The following ADGRB3 variants were observed in gnomAD, a reference collection of about 807,000 sequenced individuals.
ADGRB3 encodes adhesion G protein-coupled receptor B3, also known as brain-specific angiogenesis inhibitor 3.
Under a neutral mutation model 193.4 loss-of-function variants are expected in ADGRB3, and 37 were observed. The observed-to-expected ratio is 0.19, with a 90% CI of 0.15 to 0.25. ADGRB3 has a LOEUF of 0.25. ADGRB3 is among the 10% of genes least tolerant of loss of function. The pLI is 1.00. For synonymous variants in ADGRB3, 690 were observed against 644.2 expected (o/e 1.07, Z -1.08); for missense variants, 1,637 against 1,852.9 (o/e 0.88, Z 2.14).
chr6:68,864,487 A>T (rs1217060983), intron 3 of ADGRB3, among the ~76,000 whole-genome samples: 1 of 150,430 alleles, frequency 6.6e-6, no homozygotes, highest in Non-Finnish European at 1.5e-5. Context: ...TCCTCTCTAA[A>T]ACCTGTTGCT....
intron 26 of ADGRB3, 101 bp downstream of exon 26, chr6:69,339,605 G>T: frequency 7.4e-7 from 1 of 1,349,978 alleles, no homozygotes; most frequent in East Asian, 2.3e-5. Flanking sequence ...ATTAAAGCTG[G>T]TCTCCTCCAT....
Position 69,309,902 on chromosome 6 carries a change from G to T in ADGRB3, c.2815-14970G>T, listed in dbSNP as rs558940507. Among the ~76,000 whole-genome samples the T allele has an allele frequency of 4.6e-5, 7 of 151,690 alleles. No individual in the cohort carries two copies. The South Asian group carries it at 1.5e-3, about 31-fold the overall frequency. On this transcript the variant is annotated intron_variant, in intron 20 of 31. Coordinates refer to ENST00000370598, the MANE Select transcript of ADGRB3 (RefSeq NM_001704.3). ...AGAATAATTTTCATCCACTTTAAATGAAGGGAATAAAATTATAGCTCTCCA... is the reference window on the plus strand; with the variant it reads ...AGAATAATTTTCATCCACTTTAAATTAAGGGAATAAAATTATAGCTCTCCA...
At chr6:69,016,330 T>C (rs78468937) in intron 12 of ADGRB3, among the ~76,000 whole-genome samples, 11,597 of 152,014 alleles carry the variant, frequency 0.076, 547 homozygotes, top group Non-Finnish European at 0.11. Flanking sequence ...ACATTCATTA[T>C]TTAATAATCA....
intron 3 of ADGRB3, among the ~76,000 whole-genome samples, chr6:68,758,644 A>G (rs1766341056): frequency 6.6e-6 from 1 of 152,136 alleles, no homozygotes; most frequent in Non-Finnish European, 1.5e-5. Flanking sequence ...GCCAGTGCAG[A>G]AAAATGTTCT....
intron 20 of ADGRB3, among the ~76,000 whole-genome samples, chr6:69,251,183 CCTAA>C (rs1766610036): frequency 6.6e-6 from 1 of 152,188 alleles, no homozygotes; most frequent in Admixed American, 6.5e-5. Context: ...TTCTCTGCCT[CCTAA>C]CTTTTTTATA....
intron 26 of ADGRB3, among the ~76,000 whole-genome samples, chr6:69,341,687 T>G (rs1768976008): frequency 6.6e-6 from 1 of 152,122 alleles, no homozygotes; most frequent in Admixed American, 6.6e-5. Context: ...TAATTTAGCT[T>G]ATGTTCTCCA....
chr6:68,762,245 T>A (rs1766406199), intron 3 of ADGRB3, among the ~76,000 whole-genome samples: 1 of 152,162 alleles, frequency 6.6e-6, no homozygotes, highest in Admixed American at 6.6e-5. Flanking sequence ...AACTTTCTCT[T>A]CTTTTCTCCT....
At chr6:69,327,972 A>G (rs1768615483) in intron 22 of ADGRB3, 83 bp downstream of exon 22, 10 of 1,224,044 alleles carry the variant, frequency 8.2e-6, no homozygotes, top group Non-Finnish European at 9.2e-6. Flanking sequence ...GATGGCTTGC[A>G]GTTTATCATG....
intron 28 of ADGRB3, among the ~76,000 whole-genome samples, chr6:69,359,272 T>C (rs1376368079): frequency 6.6e-6 from 1 of 151,626 alleles, no homozygotes; most frequent in East Asian, 1.9e-4. Flanking sequence ...TATCATTAAA[T>C]TTAGCATACT....
At chr6:68,780,275 A>G (rs780840729) in intron 3 of ADGRB3, among the ~76,000 whole-genome samples, 1 of 152,054 alleles carries the variant, frequency 6.6e-6, no homozygotes, top group Non-Finnish European at 1.5e-5. Flanking sequence ...AGGAGATATA[A>G]TGGGACGGTG....
intron 3 of ADGRB3, among the ~76,000 whole-genome samples, chr6:68,646,107 G>A (rs564567922): frequency 2.6e-5 from 4 of 152,210 alleles, no homozygotes; most frequent in African/African-American, 9.6e-5. Context: ...ATTAAAAATT[G>A]TTTATCATTT....
chr6:68,971,973 G>A (rs1185672192), intron 8 of ADGRB3, among the ~76,000 whole-genome samples: 1 of 152,184 alleles, frequency 6.6e-6, no homozygotes, highest in African/African-American at 2.4e-5. Context: ...GAGGCAGGAT[G>A]GGGCAGCAGG....
At chr6:69,252,009 A>C (rs1766633901) in intron 20 of ADGRB3, among the ~76,000 whole-genome samples, 1 of 152,166 alleles carries the variant, frequency 6.6e-6, no homozygotes, top group African/African-American at 2.4e-5. Context: ...CCTGATCAAG[A>C]TATGGAACGT....
In ADGRB3 at chr6:68,876,778, T is replaced by C. The variant is rs967391263; in HGVS notation, c.758-53781T>C. On this transcript the variant is annotated intron_variant, in intron 3 of 31. Transcript: ENST00000370598. ...ACATCCTAGTCAACTTGATTAGAACTGGGTATTTATCTTCTGCAAAATATT... is the reference window on the plus strand; with the variant it reads ...ACATCCTAGTCAACTTGATTAGAACCGGGTATTTATCTTCTGCAAAATATT... Among the ~76,000 whole-genome samples, 3 of 152,182 alleles carry C rather than the reference T, an allele frequency of 2.0e-5. No homozygotes were observed. The South Asian group carries it at 6.2e-4, about 31-fold the overall frequency.
intron 20 of ADGRB3, among the ~76,000 whole-genome samples, chr6:69,253,816 A>C (rs931318468): frequency 6.6e-6 from 1 of 152,066 alleles, no homozygotes; most frequent in Non-Finnish European, 1.5e-5. Context: ...TTATAGATTG[A>C]TTTATTTTCT....
rs1768686125 is a variant in ADGRB3 at position 68,662,431 on chromosome 6, T to C, written c.757+22999T>C. On this transcript the variant is annotated intron_variant, in intron 3 of 31. Transcript: ENST00000370598. ...GATTTTGGGTATTATTCCAATTTAG[T>C]CAAATATTGAAAAGAAAAATCAGAA... Among the ~76,000 whole-genome samples, 4 of 151,554 alleles carry C rather than the reference T, an allele frequency of 2.6e-5. No individual in the cohort carries two copies. The Admixed American group carries it at 2.6e-4, about 10-fold the overall frequency.
At chr6:69,042,631 C>G (rs997297406) in intron 13 of ADGRB3, among the ~76,000 whole-genome samples, 5 of 152,218 alleles carry the variant, frequency 3.3e-5, no homozygotes, top group African/African-American at 1.2e-4. Flanking sequence ...TTCTAACACA[C>G]TGAGGCAATG....
At chr6:68,841,550 CTT>C (rs1399218592) in intron 3 of ADGRB3, among the ~76,000 whole-genome samples, 2 of 152,092 alleles carry the variant, frequency 1.3e-5, no homozygotes, top group African/African-American at 4.8e-5. Flanking sequence ...TTAAAAATCT[CTT>C]TAAACAAATG....
intron 20 of ADGRB3, among the ~76,000 whole-genome samples, chr6:69,297,368 T>TCTCTCTCTCTTTC (rs1767846054): frequency 7.2e-5 from 7 of 97,610 alleles, no homozygotes; most frequent in African/African-American, 2.0e-4. Flanking sequence ...CTCTCTCTCT[T>TCTCTCTCTCTTTC]TCTCTCTCTC....
Sources: gnomAD v4.1 joint callset for allele counts (sites outside exome capture counted in the v4.1 genomes callset) on GRCh38, gnomAD v4.1.1 for gene constraint, MANE v1.5 for transcripts, NCBI Gene and HGNC (gene_info 2026-07-23, HGNC 2026-07-21) for gene names.